SRD5A3: variants seen among roughly 807,000 people sequenced by gnomAD.
SRD5A3 encodes the protein steroid 5 alpha-reductase 3.
Under a neutral mutation model 34.3 loss-of-function variants are expected in SRD5A3, and 24 were observed. That is an observed-to-expected ratio of 0.70 (90% confidence interval 0.51 to 0.99). SRD5A3 has a LOEUF of 0.99. Among genes scored for constraint, SRD5A3 ranks in the 50% least tolerant of loss-of-function variants. The pLI, the probability that SRD5A3 is intolerant of heterozygous loss-of-function variation, is 0.00. For synonymous variants in SRD5A3, 161 were observed against 167.3 expected, an observed-to-expected ratio of 0.96 and a Z score of 0.29; for missense variants, 350 against 388.2, an observed-to-expected ratio of 0.90 and a Z score of 0.83.
chr4:55,356,599 C>T (rs913199883), intron 1 of SRD5A3, among the ~76,000 whole-genome samples: 1 of 152,018 alleles, frequency 6.6e-6, no homozygotes. Context: ...GTAGCTGGAA[C>T]TACAGGCATG....
At chr4:55,357,189 T>C in intron 1 of SRD5A3, among the ~76,000 whole-genome samples, 1 of 152,040 alleles carries the variant, frequency 6.6e-6, no homozygotes. Context: ...TGTCTGCAGG[T>C]TTAGTTGTTG....
At chr4:55,350,029 CTG>C (rs1275672481) in intron 1 of SRD5A3, among the ~76,000 whole-genome samples, 4 of 152,136 alleles carry the variant, frequency 2.6e-5, no homozygotes, top group Non-Finnish European at 5.9e-5. Flanking sequence ...TATGAGAACA[CTG>C]TAGTCTTTCA....
intron 1 of SRD5A3, chr4:55,352,292 A>G (rs1719224561): frequency 2.5e-6 from 2 of 804,904 alleles, no homozygotes; most frequent in South Asian, 2.7e-5. Flanking sequence ...ACACGCTGGG[A>G]TCCTTCTTTT....
intron 1 of SRD5A3, among the ~76,000 whole-genome samples, chr4:55,355,584 G>T (rs182822006): frequency 6.6e-6 from 1 of 152,138 alleles, no homozygotes; most frequent in Non-Finnish European, 1.5e-5. Context: ...AGCGCAGCAC[G>T]GTGTAGCTTA....
Position 55,346,366 on chromosome 4 carries a change from G to C in SRD5A3, c.30G>C (p.Ser10=). The stretch of plus-strand genomic sequence containing the variant: ...CTCCCTGGGCGGAGGCCGAGCACTC[G>C]GCGCTGAACCCGCTGCGCGCGGTGT... The part of the protein sequence containing the change: MAPWAEAEH[S]ALNPLRAVWL... The change falls in exon 1 of 5, where the codon TCG becomes TCC. Residue 10 remains serine (S), a synonymous_variant. Transcript: ENST00000264228. 1.3e-6 allele frequency: 2 copies of C among 1,543,060 alleles called. No individual in the cohort carries two copies. Among genetic ancestry groups the C allele is most frequent in the Non-Finnish European group, 1.7e-6 (2 of 1,147,572 alleles).
intron 2 of SRD5A3, among the ~76,000 whole-genome samples, chr4:55,359,836 C>T (rs185195028): frequency 5.0e-4 from 76 of 152,362 alleles, no homozygotes; most frequent in Admixed American, 2.2e-3. Context: ...CTTTTAGGAT[C>T]TGTCAGGTTT....
chr4:55,359,881 C>G (rs1228707048), intron 2 of SRD5A3, among the ~76,000 whole-genome samples: 1 of 152,188 alleles, frequency 6.6e-6, no homozygotes, highest in East Asian at 1.9e-4. Context: ...CTGTTCCAAC[C>G]AAACTCATGA....
At chr4:55,362,416 G>A (rs1719720065) in intron 2 of SRD5A3, among the ~76,000 whole-genome samples, 1 of 151,786 alleles carries the variant, frequency 6.6e-6, no homozygotes, top group South Asian at 2.1e-4. Context: ...ATGAGCCACC[G>A]CATCCAGCCT....
rs1719234822 is a variant in SRD5A3, at chr4:55,352,497, G to A, written c.221+5940G>A. 5.0e-6 allele frequency: 3 copies of A among 604,770 alleles called. No individual in the cohort carries two copies. In the South Asian group the frequency reaches 5.1e-5, roughly 10 times the overall value. 37.5% of individuals were successfully genotyped at this position (604,770 alleles called of 1,614,324 possible). A position where few individuals can be genotyped will look rare whatever the true frequency, so the allele number is the denominator to read the frequency against. On this transcript the variant is annotated intron_variant, in intron 1 of 4. Transcript: ENST00000264228. ...CCGAAGGGGTCCATGATGGAGAAAT[G>A]GTGAGAACCCCTGCTCTAGACTGTA...
At chr4:55,359,323 C>T in intron 1 of SRD5A3, 23 bp from the exon 2 acceptor site, 2 of 1,613,532 alleles carry the variant, frequency 1.2e-6, no homozygotes, top group Non-Finnish European at 1.7e-6. Flanking sequence ...CTAATTATTG[C>T]CTCGCTTGTT....
chr4:55,351,818 T>C, intron 1 of SRD5A3: 4 of 517,626 alleles, frequency 7.7e-6, no homozygotes, highest in South Asian at 6.3e-5. Context: ...AGAATTAGAA[T>C]CAAGGGGCTC....
chr4:55,351,739 C>G (rs1001782542), intron 1 of SRD5A3: 3 of 430,368 alleles, frequency 7.0e-6, no homozygotes, highest in African/African-American at 4.1e-5. Context: ...AATTCATGCT[C>G]TTGCATGTGT....
At chr4:55,357,401 G>T (rs1373769145) in intron 1 of SRD5A3, among the ~76,000 whole-genome samples, 1 of 152,204 alleles carries the variant, frequency 6.6e-6, no homozygotes, top group Non-Finnish European at 1.5e-5. Context: ...TTTCCTGGGA[G>T]CCTGCAGAAC....
chr4:55,368,374 CT>C (rs1327382006), intron 4 of SRD5A3, among the ~76,000 whole-genome samples: 2 of 136,578 alleles, frequency 1.5e-5, no homozygotes, highest in African/African-American at 5.6e-5. Flanking sequence ...GCTAGACTGT[CT>C]CAAAAAAAAA....
At chr4:55,365,614 C>T (rs1263963947) in intron 3 of SRD5A3, 2 of 152,310 alleles carry the variant, frequency 1.3e-5, no homozygotes, top group East Asian at 3.9e-4. Context: ...TTACCTGCCT[C>T]TCCCGGAGTT....
chr4:55,348,494 CTG>C, intron 1 of SRD5A3, among the ~76,000 whole-genome samples: 1 of 152,182 alleles, frequency 6.6e-6, no homozygotes, highest in African/African-American at 2.4e-5. Context: ...TTATACGTCT[CTG>C]TATTTTCCAA....
At chr4:55,347,152 A>G (rs1399574761) in intron 1 of SRD5A3, among the ~76,000 whole-genome samples, 1 of 152,228 alleles carries the variant, frequency 6.6e-6, no homozygotes, top group Non-Finnish European at 1.5e-5. Context: ...GCCCGTCCCG[A>G]AGCTCCATTT....
Position 55,346,262 on chromosome 4 carries a change from C to A in SRD5A3, c.-75C>A. On this transcript the variant is annotated 5_prime_UTR_variant, in exon 1 of 5. Coordinates refer to ENST00000264228, the MANE Select transcript of SRD5A3 (RefSeq NM_024592.5). ...CCGCTAGGCTGAGACCGGTGCGCCG[C>A]GCGCTAGTGGCCGCTCTTCCGCGGG... is the stretch of plus-strand genomic sequence containing the variant. 2 of 1,254,390 alleles carry A rather than the reference C, an allele frequency of 1.6e-6. No individual in the cohort carries two copies. 77.7% of individuals were successfully genotyped at this position (1,254,390 alleles called of 1,614,324 possible). A position where few individuals can be genotyped will look rare whatever the true frequency, so the allele number is the denominator to read the frequency against.
chr4:55,370,430 T>G lies in SRD5A3; in HGVS notation c.*339T>G. On this transcript the variant is annotated 3_prime_UTR_variant, in exon 5 of 5. Transcript: ENST00000264228. ...GAAAAACCGAAAATATACAAACAGCTTCACACACACACACACACACACACA... is the reference window on the plus strand; with the variant it reads ...GAAAAACCGAAAATATACAAACAGCGTCACACACACACACACACACACACA... 4.0e-6 allele frequency: 1 copy of G among 250,556 alleles called. No individual in the cohort carries two copies. 15.5% of individuals were successfully genotyped at this position (250,556 alleles called of 1,614,324 possible).
Sources: gnomAD v4.1 joint callset for allele counts (sites outside exome capture counted in the v4.1 genomes callset) on GRCh38, gnomAD v4.1.1 for gene constraint, MANE v1.5 for transcripts, NCBI Gene and HGNC (gene_info 2026-07-23, HGNC 2026-07-21) for gene names.